Variants in CTCF observed in about 807,000 individuals in gnomAD.
The protein encoded by CTCF is CCCTC-binding factor.
Under a neutral mutation model 72.3 loss-of-function variants are expected in CTCF, and 7 were observed. That is an observed-to-expected ratio of 0.10 (90% CI 0.06 to 0.18). The LOEUF is 0.18. Ranked by LOEUF, CTCF falls within the 10% of genes least tolerant of loss-of-function variation. The pLI, the probability that CTCF is intolerant of heterozygous loss-of-function variation, is 1.00. For synonymous variants in CTCF, 374 were observed against 315.8 expected (o/e 1.18, Z -1.95); for missense variants, 516 against 949.1 (o/e 0.54, Z 6.00).
rs748041956 is a variant in CTCF at position 67,637,883 on chromosome 16, T to C, written c.*11T>C. 16 of 1,595,952 alleles carry C rather than the reference T, an allele frequency of 1.0e-5. No homozygotes were observed. The highest frequency in any genetic ancestry group is 1.3e-5 in the Non-Finnish European group (15 of 1,169,550). Reference sequence around the variant, plus strand: ...ATGATGGACCGGTGATGGCGGAGCCTTGTGCGTCGCCAGGACTTCTCTGGG... The same window carrying C: ...ATGATGGACCGGTGATGGCGGAGCCCTGTGCGTCGCCAGGACTTCTCTGGG... On this transcript the variant is annotated 3_prime_UTR_variant, in exon 12 of 12. Transcript: ENST00000264010.
chr16:67,600,987 T>A (rs1271779792), intron 2 of CTCF, among the ~76,000 whole-genome samples: 2 of 151,144 alleles, frequency 1.3e-5, no homozygotes, highest in African/African-American at 2.4e-5. Context: ...GGAATTAGAG[T>A]GAGTGGGTAT....
At chr16:67,581,652 C>T (rs955152582) in intron 2 of CTCF, among the ~76,000 whole-genome samples, 1 of 152,012 alleles carries the variant, frequency 6.6e-6, no homozygotes, top group Non-Finnish European at 1.5e-5. Context: ...TACAGTCGTG[C>T]ACCACCACAC....
intron 2 of CTCF, among the ~76,000 whole-genome samples, chr16:67,608,549 A>G (rs1371150666): frequency 6.6e-6 from 1 of 152,104 alleles, no homozygotes; most frequent in Non-Finnish European, 1.5e-5. Flanking sequence ...AAAATGGGGA[A>G]TTGCTGTTGA....
chr16:67,606,867 A>AT (rs1304623816), intron 2 of CTCF, among the ~76,000 whole-genome samples: 2 of 151,558 alleles, frequency 1.3e-5, no homozygotes, highest in African/African-American at 4.8e-5. Flanking sequence ...GCTTCAAGCA[A>AT]TTCTCGAGCC....
intron 2 of CTCF, among the ~76,000 whole-genome samples, chr16:67,608,992 C>G (rs1004378576): frequency 6.6e-6 from 1 of 152,216 alleles, no homozygotes; most frequent in Non-Finnish European, 1.5e-5. Context: ...CCACACACCT[C>G]AGCCTCCCAA....
rs560002527 is a variant in CTCF at position 67,624,047 on chromosome 16, C to CAA, written c.1357+2472_1357+2473dup. Among the ~76,000 whole-genome samples the CAA allele has an allele frequency of 5.1e-5, 4 of 77,818 alleles. No individual in the cohort carries two copies. In the South Asian group the frequency reaches 1.2e-3, roughly 23 times the overall value. The allele number at this position is 77,818 out of a possible 152,430, so 51.1% of individuals were successfully genotyped here. On this transcript the variant is annotated intron_variant, in intron 7 of 11. Coordinates refer to ENST00000264010, the MANE Select transcript of CTCF (RefSeq NM_006565.4). ...TGGGCAAGAGAGTGAGACACTGTCTCAAAAAAAAAAAAAAAAATTATATAT... is the reference window on the plus strand; with the variant it reads ...TGGGCAAGAGAGTGAGACACTGTCTCAAAAAAAAAAAAAAAAAAATTATATAT...
At chr16:67,589,770 C>G (rs1235801120) in intron 2 of CTCF, among the ~76,000 whole-genome samples, 1 of 152,068 alleles carries the variant, frequency 6.6e-6, no homozygotes, top group Non-Finnish European at 1.5e-5. Flanking sequence ...GCTTCAACAC[C>G]TAATACCCGA....
At chr16:67,618,368 C>T (rs776390589) in intron 5 of CTCF, among the ~76,000 whole-genome samples, 1 of 152,182 alleles carries the variant, frequency 6.6e-6, no homozygotes, top group Non-Finnish European at 1.5e-5. Context: ...CACCACTGCA[C>T]TCCAGCCTGG....
At chr16:67,566,608 G>A (rs1023715940) in intron 1 of CTCF, among the ~76,000 whole-genome samples, 3 of 150,216 alleles carry the variant, frequency 2.0e-5, no homozygotes, top group Non-Finnish European at 3.0e-5. Context: ...ATGGAGTCTC[G>A]CTTTGTCTAC....
At chr16:67,625,448 C>T (rs1290808841) in intron 7 of CTCF, among the ~76,000 whole-genome samples, 1 of 152,242 alleles carries the variant, frequency 6.6e-6, no homozygotes, top group Admixed American at 6.5e-5. Context: ...GATCCACCTG[C>T]CATGGCCTCC....
intron 2 of CTCF, among the ~76,000 whole-genome samples, chr16:67,576,841 T>G (rs1444385226): frequency 2.6e-5 from 4 of 152,056 alleles, no homozygotes; most frequent in African/African-American, 9.7e-5. Flanking sequence ...TATAATAGAA[T>G]GTTGTGTAGC....
intron 1 of CTCF, chr16:67,563,654 T>TG (rs1254951198): frequency 2.0e-5 from 3 of 152,156 alleles, no homozygotes; most frequent in Non-Finnish European, 4.4e-5. Flanking sequence ...CCCAGCCGAG[T>TG]GATAGCAGCC....
intron 1 of CTCF, among the ~76,000 whole-genome samples, chr16:67,568,707 T>C (rs2051373509): frequency 6.6e-6 from 1 of 151,298 alleles, no homozygotes; most frequent in African/African-American, 2.4e-5. Flanking sequence ...TTTTTATGTA[T>C]TTTGTAGAGA....
intron 2 of CTCF, among the ~76,000 whole-genome samples, chr16:67,589,025 C>G (rs2051704016): frequency 6.6e-6 from 1 of 152,022 alleles, no homozygotes; most frequent in Non-Finnish European, 1.5e-5. Flanking sequence ...GGTGTAATGG[C>G]TCATGCCCAT....
At chr16:67,601,092 C>T (rs2051879749) in intron 2 of CTCF, among the ~76,000 whole-genome samples, 1 of 151,982 alleles carries the variant, frequency 6.6e-6, no homozygotes, top group Non-Finnish European at 1.5e-5. Context: ...GAAGCGCAGT[C>T]CCCAGGGAGT....
intron 2 of CTCF, among the ~76,000 whole-genome samples, chr16:67,597,362 C>G (rs1418167379): frequency 6.6e-6 from 1 of 151,640 alleles, no homozygotes; most frequent in Non-Finnish European, 1.5e-5. Flanking sequence ...TATTTTGATA[C>G]AGAGTCTCGC....
intron 10 of CTCF, among the ~76,000 whole-genome samples, chr16:67,634,532 T>C (rs1362319148): frequency 6.7e-6 from 1 of 149,252 alleles, no homozygotes; most frequent in Non-Finnish European, 1.5e-5. Context: ...TTTTTTTTTT[T>C]TTTTTACACA....
At chr16:67,568,872 C>T (rs952805398) in intron 1 of CTCF, among the ~76,000 whole-genome samples, 3 of 151,880 alleles carry the variant, frequency 2.0e-5, no homozygotes, top group East Asian at 1.9e-4. Flanking sequence ...GAGTCTTGCT[C>T]TGTTGCCCAG....
chr16:67,562,922 C>T (rs970243438), intron 1 of CTCF, among the ~76,000 whole-genome samples, 198 bp downstream of exon 1: 13 of 104,670 alleles, frequency 1.2e-4, no homozygotes, highest in Admixed American at 1.1e-3. Flanking sequence ...CCCACCCCCA[C>T]GCCCGCCCGC....
Sources: gnomAD v4.1 joint callset for allele counts (sites outside exome capture counted in the v4.1 genomes callset) on GRCh38, gnomAD v4.1.1 for gene constraint, MANE v1.5 for transcripts, NCBI Gene and HGNC (gene_info 2026-07-23, HGNC 2026-07-21) for gene names.